The following DCT variants were observed in gnomAD, a reference collection of about 807,000 sequenced individuals.
DCT encodes dopachrome tautomerase.
Under a neutral mutation model 53.0 loss-of-function variants are expected in DCT, and 47 were observed. That is an observed-to-expected ratio of 0.89 (90% CI 0.70 to 1.13). The LOEUF is 1.13. Ranked by LOEUF, DCT falls within the 50% of genes most tolerant of loss-of-function variation. The pLI is 0.00. For missense variants in DCT, 669 were observed against 637.4 expected, an observed-to-expected ratio of 1.05 and a Z score of -0.53; for synonymous variants, 244 against 237.0, an observed-to-expected ratio of 1.03 and a Z score of -0.27.
chr13:94,487,693 T>C, the DCT span, among the ~76,000 whole-genome samples: 2 of 152,206 alleles, frequency 1.3e-5, no homozygotes. Flanking sequence ...CCTGTGCCTC[T>C]GAATGTGAAA....
chr13:94,444,766 G>A (rs767328347), intron 6 of DCT, among the ~76,000 whole-genome samples: 4 of 152,176 alleles, frequency 2.6e-5, no homozygotes, highest in Admixed American at 1.3e-4. Context: ...TACTTATTCA[G>A]TGTATTCATT....
At chr13:94,547,170 G>T in the DCT span, among the ~76,000 whole-genome samples, 2 of 151,316 alleles carry the variant, frequency 1.3e-5, no homozygotes, top group African/African-American at 4.9e-5. Context: ...AGGCTGGAGC[G>T]CAGTGGCATA....
intron 6 of DCT, chr13:94,445,870 C>G: frequency 1.4e-6 from 1 of 713,758 alleles, no homozygotes; most frequent in Non-Finnish European, 2.4e-6. Context: ...TTCCTGGAGG[C>G]AGGGGAGAAA....
chr13:94,533,274 A>T, the DCT span, among the ~76,000 whole-genome samples: 1 of 151,876 alleles, frequency 6.6e-6, no homozygotes, highest in Non-Finnish European at 1.5e-5. Context: ...GGCATAACCC[A>T]TCATTTCTCA....
chr13:94,498,831 C>T, the DCT span, among the ~76,000 whole-genome samples: 3 of 152,208 alleles, frequency 2.0e-5, no homozygotes, highest in Non-Finnish European at 4.4e-5. Flanking sequence ...TGTAAAAACA[C>T]ACCAATCATT....
At chr13:94,530,638 CT>C in the DCT span, among the ~76,000 whole-genome samples, 2 of 152,102 alleles carry the variant, frequency 1.3e-5, no homozygotes, top group African/African-American at 4.8e-5. Context: ...TGGAATGTAT[CT>C]CAAAATAATA....
chr13:94,529,277 G>A, the DCT span, among the ~76,000 whole-genome samples: 4 of 152,122 alleles, frequency 2.6e-5, no homozygotes, highest in African/African-American at 9.7e-5. Flanking sequence ...ACTCAGCTCT[G>A]GACCAAGTGG....
chr13:94,470,624 C>T (rs1358594429), intron 1 of DCT, among the ~76,000 whole-genome samples: 1 of 151,904 alleles, frequency 6.6e-6, no homozygotes, highest in African/African-American at 2.4e-5. Context: ...CTTACTCCTC[C>T]TCCTCTACCT....
At chr13:94,440,823 G>A (rs921308904) in intron 7 of DCT, among the ~76,000 whole-genome samples, 13 of 151,582 alleles carry the variant, frequency 8.6e-5, no homozygotes, top group Admixed American at 5.9e-4. Context: ...TGGGATTACA[G>A]GCACCCATCA....
chr13:94,487,589 G>A, the DCT span, among the ~76,000 whole-genome samples: 1 of 152,214 alleles, frequency 6.6e-6, no homozygotes, highest in Non-Finnish European at 1.5e-5. Context: ...CAATTGAAGA[G>A]AAAGGTAGAT....
At chr13:94,493,160 T>C in the DCT span, among the ~76,000 whole-genome samples, 1 of 152,170 alleles carries the variant, frequency 6.6e-6, no homozygotes, top group African/African-American at 2.4e-5. Flanking sequence ...TAATATACTC[T>C]ATAAGATGGT....
the DCT span, among the ~76,000 whole-genome samples, chr13:94,510,827 C>T: frequency 0.074 from 11,338 of 152,236 alleles, 885 homozygotes; most frequent in African/African-American, 0.2. Flanking sequence ...ATTGGCTCTT[C>T]CTCTCCTGGT....
In DCT at chr13:94,465,736, A is replaced by G. The variant is rs1427402371; in HGVS notation, c.760T>C (p.Cys254Arg). Residue 254 changes from cysteine (C) to arginine (R), a missense_variant, in exon 4 of 8, where the codon TGT (cysteine) becomes CGT (arginine). Transcript: ENST00000377028. ...AACAGCTGGTCTGTACACACATCAC[A>G]CTCGTTCCTCCCAGTGGCAAAGTTC... is the stretch of plus-strand genomic sequence containing the variant. ...YWNFATGRNE[C>R]DVCTDQLFGA... The G allele has an allele frequency of 1.2e-6, 2 of 1,611,966 alleles. No homozygotes were observed. The highest frequency in any genetic ancestry group is 8.5e-7 in the Non-Finnish European group (1 of 1,179,344).
At chr13:94,513,038 G>C in the DCT span, among the ~76,000 whole-genome samples, 1 of 152,158 alleles carries the variant, frequency 6.6e-6, no homozygotes, top group East Asian at 1.9e-4. Context: ...TTCAGAGAAC[G>C]TGCCATTCTG....
At chr13:94,448,314 G>A (rs1882860001) in intron 6 of DCT, among the ~76,000 whole-genome samples, 1 of 152,154 alleles carries the variant, frequency 6.6e-6, no homozygotes, top group Non-Finnish European at 1.5e-5. Flanking sequence ...ATTATAGAAT[G>A]TAAGTTTTTT....
At position 94,438,874 on chromosome 13, in the gene DCT, C is replaced by CT. The variant is rs1882074497; in HGVS notation, c.*1023dup. On this transcript the variant is annotated 3_prime_UTR_variant, in exon 8 of 8. Coordinates refer to ENST00000377028, the MANE Select transcript of DCT (RefSeq NM_001922.5). ...TGAGTATTCGGCAACATTAATCAAT[C>CT]TAACATCAATGCTTAAAAATAAGCC... The CT allele has an allele frequency of 3.6e-6, 1 of 278,234 alleles. No homozygotes were observed. The highest frequency in any genetic ancestry group is 7.1e-6 in the Non-Finnish European group (1 of 140,304). 17.2% of individuals were successfully genotyped at this position (278,234 alleles called of 1,614,324 possible).
At chr13:94,479,879 C>G (rs1179696264), upstream of DCT, among the ~76,000 whole-genome samples, 1 of 152,178 alleles carries the variant, frequency 6.6e-6, no homozygotes, top group African/African-American at 2.4e-5. Context: ...AAACCATCTT[C>G]TTTATCTGGG....
chr13:94,468,613 C>T (rs989073205), intron 2 of DCT, 133 bp downstream of exon 2: 22 of 799,970 alleles, frequency 2.8e-5, no homozygotes, highest in South Asian at 1.5e-4. Flanking sequence ...GATAATTCTA[C>T]GACTTTCATA....
the DCT span, among the ~76,000 whole-genome samples, chr13:94,518,322 C>T: frequency 6.6e-6 from 1 of 152,116 alleles, no homozygotes; most frequent in African/African-American, 2.4e-5. Context: ...CACTGCTTAC[C>T]CTCAGCCATG....
Sources: gnomAD v4.1 joint callset for allele counts (sites outside exome capture counted in the v4.1 genomes callset) on GRCh38, gnomAD v4.1.1 for gene constraint, MANE v1.5 for transcripts, NCBI Gene and HGNC (gene_info 2026-07-23, HGNC 2026-07-21) for gene names.